The following BMPR1A variants were observed in gnomAD, a reference collection of about 807,000 sequenced individuals.
BMPR1A encodes the protein bone morphogenetic protein receptor type-1A.
Under a neutral mutation model 66.0 loss-of-function variants are expected in BMPR1A, and 7 were observed. That is an observed-to-expected ratio of 0.11 (90% CI 0.06 to 0.20). The LOEUF (loss-of-function observed/expected upper bound fraction) is 0.20. Ranked by LOEUF, BMPR1A falls within the 10% of genes least tolerant of loss-of-function variation. The pLI, the probability that BMPR1A is intolerant of heterozygous loss-of-function variation, is 1.00. For synonymous variants in BMPR1A, 200 were observed against 229.7 expected (o/e 0.87, Z 1.17); for missense variants, 408 against 669.1 (o/e 0.61, Z 4.31).
At chr10:86,856,296 G>T in intron 2 of BMPR1A, 1 of 496,552 alleles carries the variant, frequency 2.0e-6, no homozygotes, top group East Asian at 5.5e-5. Context: ...GTGGCATTTC[G>T]AGAATGGTGG....
intron 2 of BMPR1A, among the ~76,000 whole-genome samples, chr10:86,854,108 A>G (rs2133198189): frequency 6.6e-6 from 1 of 152,332 alleles, no homozygotes; most frequent in South Asian, 2.1e-4. Flanking sequence ...TCTCTTTCCC[A>G]GGGATGTTCC....
intron 1 of BMPR1A, among the ~76,000 whole-genome samples, chr10:86,814,594 G>A (rs2132959457): frequency 6.6e-6 from 1 of 151,940 alleles, no homozygotes; most frequent in South Asian, 2.1e-4. Context: ...TCACATTTCT[G>A]AGTTTCTTCT....
At chr10:86,863,849 A>T (rs937299702) in intron 2 of BMPR1A, among the ~76,000 whole-genome samples, 29 of 152,334 alleles carry the variant, frequency 1.9e-4, no homozygotes, top group Middle Eastern at 3.4e-3. Flanking sequence ...ATTAAAAAAA[A>T]TTTTTAAATA....
chr10:86,862,155 A>G (rs911756871), intron 2 of BMPR1A, among the ~76,000 whole-genome samples: 1 of 152,244 alleles, frequency 6.6e-6, no homozygotes, highest in African/African-American at 2.4e-5. Context: ...CAAATTATAT[A>G]GCATGACAAA....
chr10:86,794,569 G>A (rs1027617853), intron 1 of BMPR1A, among the ~76,000 whole-genome samples: 1 of 152,096 alleles, frequency 6.6e-6, no homozygotes, highest in Non-Finnish European at 1.5e-5. Flanking sequence ...TGTATAAAAA[G>A]TATATAACAT....
At position 86,925,390 on chromosome 10, in the gene BMPR1A, A is replaced by G. The variant is rs987450897; in HGVS notation, c.*1671A>G. On this transcript the variant is annotated 3_prime_UTR_variant, in exon 13 of 13. Coordinates refer to ENST00000372037, the MANE Select transcript of BMPR1A (RefSeq NM_004329.3). ...GGAGGAAATCAGCATATGTCCACCC[A>G]TTACCAAAATTTGACTATCATTTAA... 1.8e-5 allele frequency: 4 copies of G among 218,996 alleles called. No individual in the cohort carries two copies. Among genetic ancestry groups the G allele is most frequent in the African/African-American group, 6.7e-5 (3 of 44,540 alleles). The allele number at this position is 218,996 out of a possible 1,614,324, so 13.6% of individuals were successfully genotyped here.
At chr10:86,826,350 ATATATC>A (rs1420457895) in intron 1 of BMPR1A, among the ~76,000 whole-genome samples, 2 of 152,078 alleles carry the variant, frequency 1.3e-5, no homozygotes, top group Non-Finnish European at 2.9e-5. Flanking sequence ...AAGGGAAAAA[ATATATC>A]TATATCTATA....
intron 1 of BMPR1A, among the ~76,000 whole-genome samples, chr10:86,834,868 C>T (rs549073799): frequency 1.3e-5 from 2 of 149,698 alleles, no homozygotes; most frequent in Admixed American, 1.3e-4. Flanking sequence ...TAATTTGGCT[C>T]TTTTTTTTTA....
At chr10:86,886,557 A>T (rs1843069738) in intron 3 of BMPR1A, among the ~76,000 whole-genome samples, 1 of 152,184 alleles carries the variant, frequency 6.6e-6, no homozygotes, top group South Asian at 2.1e-4. Context: ...TTCATTTAAG[A>T]CAAGTCAGTC....
At position 86,756,838 on chromosome 10, in the gene BMPR1A, T is replaced by C. The variant is rs34755052; in HGVS notation, c.-349T>C. 0.3 allele frequency: 45,159 copies of C among 151,312 alleles called. 7,835 individuals carry two copies. The highest frequency in any genetic ancestry group is 0.7 in the East Asian group (3,560 of 5,108). The allele number at this position is 151,312 out of a possible 1,614,324, so 9.4% of individuals were successfully genotyped here. Reference sequence around the variant, plus strand: ...CTGCACGCCAAGGGCGAAGGCCGATTCGGGCCCCACTTCGCCCCGGCGGCT... The same window carrying C: ...CTGCACGCCAAGGGCGAAGGCCGATCCGGGCCCCACTTCGCCCCGGCGGCT... On this transcript the variant is annotated 5_prime_UTR_variant, in exon 1 of 13. Coordinates refer to ENST00000372037, the MANE Select transcript of BMPR1A (RefSeq NM_004329.3).
chr10:86,882,639 A>G (rs1297278722), intron 3 of BMPR1A, among the ~76,000 whole-genome samples: 1 of 150,106 alleles, frequency 6.7e-6, no homozygotes, highest in South Asian at 2.1e-4. Flanking sequence ...GTTTTATTTG[A>G]GTATTTTAAA....
At chr10:86,769,301 A>C (rs1258824640) in intron 1 of BMPR1A, among the ~76,000 whole-genome samples, 1 of 152,194 alleles carries the variant, frequency 6.6e-6, no homozygotes, top group African/African-American at 2.4e-5. Context: ...TCTACCTACT[A>C]GGGAGGCTGA....
intron 1 of BMPR1A, among the ~76,000 whole-genome samples, chr10:86,789,698 G>T (rs1370552496): frequency 6.8e-6 from 1 of 147,058 alleles, no homozygotes; most frequent in African/African-American, 2.5e-5. Context: ...GGGTGACAGA[G>T]TGAAAACTCT....
At position 86,879,688 on chromosome 10, in the gene BMPR1A, A is replaced by G. The variant is rs537083202; in HGVS notation, c.67+3603A>G. ...CATCCATTTAGTACATGCAGCTACT[A>G]ATCCAGGACTTCTGGCTGGTGGGAA... On this transcript the variant is annotated intron_variant, in intron 3 of 12. Coordinates refer to ENST00000372037, the MANE Select transcript of BMPR1A (RefSeq NM_004329.3). 3.9e-5 allele frequency among the ~76,000 whole-genome samples: 6 copies of G among 152,316 alleles called. No individual in the cohort carries two copies. In the South Asian group the frequency reaches 1.2e-3, roughly 32 times the overall value.
chr10:86,902,390 G>A (rs1331973557), intron 7 of BMPR1A, among the ~76,000 whole-genome samples: 2 of 150,278 alleles, frequency 1.3e-5, no homozygotes, highest in East Asian at 1.9e-4. Flanking sequence ...TTCATGCTGC[G>A]TTACCTCAGA....
intron 1 of BMPR1A, among the ~76,000 whole-genome samples, chr10:86,775,428 A>G (rs957483040): frequency 6.6e-6 from 1 of 152,144 alleles, no homozygotes; most frequent in African/African-American, 2.4e-5. Context: ...CGAAAGTCAA[A>G]TGTTGTGAAG....
intron 1 of BMPR1A, among the ~76,000 whole-genome samples, chr10:86,776,213 T>TA (rs1378434098): frequency 6.6e-6 from 1 of 152,236 alleles, no homozygotes; most frequent in Non-Finnish European, 1.5e-5. Flanking sequence ...ATTAACTTAT[T>TA]AAATAATCCA....
chr10:86,811,444 G>A (rs974137300), intron 1 of BMPR1A, among the ~76,000 whole-genome samples: 1 of 152,142 alleles, frequency 6.6e-6, no homozygotes, highest in Non-Finnish European at 1.5e-5. Context: ...TGTTTTAATG[G>A]ATGGATTCTC....
intron 1 of BMPR1A, among the ~76,000 whole-genome samples, chr10:86,820,693 A>C (rs937653968): frequency 3.9e-5 from 6 of 152,060 alleles, no homozygotes; most frequent in African/African-American, 1.2e-4. Flanking sequence ...CTCCCCCCGG[A>C]CTTCTCCGGA....
Sources: allele counts gnomAD v4.1 joint callset (sites outside exome capture counted in the v4.1 genomes callset), GRCh38; gene constraint gnomAD v4.1.1; transcripts MANE v1.5; gene names NCBI Gene and HGNC (gene_info 2026-07-23, HGNC 2026-07-21).